The following ASTN2 variants were observed in gnomAD, a reference collection of about 807,000 sequenced individuals.
ASTN2 encodes astrotactin-2.
In ASTN2, 54 loss-of-function variants were observed where a neutral mutation model predicts 139.8. The ratio of observed to expected loss-of-function variants is 0.39; its 90% CI spans 0.31 to 0.48. The LOEUF (loss-of-function observed/expected upper bound fraction) is 0.48, where lower values mean the gene tolerates loss of function less well. Among genes scored for constraint, ASTN2 ranks in the 20% least tolerant of loss-of-function variants. The pLI is 0.95. For missense variants in ASTN2, 1,565 were observed against 1,725.1 expected (o/e 0.91, Z 1.64); for synonymous variants, 756 against 719.5 (o/e 1.05, Z -0.81).
At chr9:116,934,312 C>A (rs10759875) in intron 10 of ASTN2, among the ~76,000 whole-genome samples, 57,354 of 151,876 alleles carry the variant, frequency 0.38, 12,004 homozygotes, top group Non-Finnish European at 0.47. Context: ...CAGGAGTCCC[C>A]ATCAGGAGCA....
intron 10 of ASTN2, among the ~76,000 whole-genome samples, chr9:116,924,893 A>C (rs933563106): frequency 6.6e-6 from 1 of 152,134 alleles, no homozygotes; most frequent in Non-Finnish European, 1.5e-5. Flanking sequence ...GTGCAGCCCA[A>C]TAGGTCTCAG....
intron 3 of ASTN2, among the ~76,000 whole-genome samples, chr9:117,163,325 T>A (rs1406709843): frequency 6.6e-6 from 1 of 152,078 alleles, no homozygotes; most frequent in African/African-American, 2.4e-5. Context: ...AATGCTGGAC[T>A]TTGTATTACC....
At chr9:116,672,922 C>T (rs1370481764) in intron 16 of ASTN2, among the ~76,000 whole-genome samples, 1 of 152,060 alleles carries the variant, frequency 6.6e-6, no homozygotes, top group African/African-American at 2.4e-5. Context: ...ATATAATGAA[C>T]ATTACTCCAT....
At chr9:117,188,267 A>C (rs148836186) in intron 3 of ASTN2, among the ~76,000 whole-genome samples, 9 of 152,200 alleles carry the variant, frequency 5.9e-5, no homozygotes, top group African/African-American at 2.2e-4. Context: ...CAATATGTCG[A>C]AATTAGTGAG....
At chr9:116,895,386 C>A (rs1433976691) in intron 10 of ASTN2, among the ~76,000 whole-genome samples, 4 of 152,176 alleles carry the variant, frequency 2.6e-5, no homozygotes. Flanking sequence ...TAGTCCCAAG[C>A]ATTTCAGATA....
intron 1 of ASTN2, among the ~76,000 whole-genome samples, chr9:117,359,804 G>C (rs949962854): frequency 3.9e-5 from 6 of 152,090 alleles, no homozygotes; most frequent in African/African-American, 1.4e-4. Context: ...ACTCAGCTGT[G>C]GTGTGAGCCT....
At chr9:116,760,533 C>G (rs975583659) in intron 13 of ASTN2, among the ~76,000 whole-genome samples, 1 of 152,204 alleles carries the variant, frequency 6.6e-6, no homozygotes, top group African/African-American at 2.4e-5. Flanking sequence ...CTGACTGTGA[C>G]TTGGGAACAA....
chr9:116,814,089 G>C (rs1831243875), intron 12 of ASTN2, among the ~76,000 whole-genome samples: 2 of 151,290 alleles, frequency 1.3e-5, no homozygotes, highest in Non-Finnish European at 2.9e-5. Context: ...GGTAAGAATA[G>C]CTCAAGGAGC....
chr9:116,632,232 AGAAAGAAAGAAAGAAAGAAG>A lies in ASTN2; in HGVS notation c.3073-11809_3073-11790del, dbSNP rs1564169237. ...AAGAAAGAAAGAAAGAAAGAAAGAAAGAAAGAAAGAAAGAAAGAAGGAAAGAAAGAAAGAAAGAAAGAAAG... is the reference window on the plus strand; with the variant it reads ...AAGAAAGAAAGAAAGAAAGAAAGAAAGAAAGAAAGAAAGAAAGAAAGAAAG... On this transcript the variant is annotated intron_variant, in intron 17 of 22. Coordinates refer to ENST00000313400, the MANE Select transcript of ASTN2 (RefSeq NM_001365068.1). 3.2e-4 allele frequency among the ~76,000 whole-genome samples: 42 copies of A among 130,810 alleles called. 1 individual carries two copies. Among genetic ancestry groups the A allele is most frequent in the African/African-American group, 1.1e-3 (34 of 30,218 alleles). 85.8% of individuals were successfully genotyped at this position (130,810 alleles called of 152,430 possible). A position where few individuals can be genotyped will look rare whatever the true frequency, so the allele number is the denominator to read the frequency against.
chr9:116,442,441 T>A lies in ASTN2; in HGVS notation c.3598+12A>T, dbSNP rs1341407966. ...GGGAGTTACTTTGGAGTTGAAAAAC[T>A]GGGTTACCTACCTTCTGCCTTGTTG... On this transcript the variant is annotated intron_variant, in intron 21 of 22. Coordinates refer to ENST00000313400, the MANE Select transcript of ASTN2 (RefSeq NM_001365068.1). 19 of 1,612,198 alleles carry A rather than the reference T, an allele frequency of 1.2e-5. No individual in the cohort carries two copies. The highest frequency in any genetic ancestry group is 1.6e-5 in the Non-Finnish European group (19 of 1,178,246).
chr9:117,015,792 A>G (rs1455514808), intron 6 of ASTN2, among the ~76,000 whole-genome samples: 1 of 152,178 alleles, frequency 6.6e-6, no homozygotes, highest in Non-Finnish European at 1.5e-5. Context: ...TCTGAAGAAG[A>G]TAGCAACTTG....
chr9:116,687,035 G>T, intron 16 of ASTN2: 1 of 1,362,446 alleles, frequency 7.3e-7, no homozygotes, highest in Non-Finnish European at 9.5e-7. Flanking sequence ...ACTGGAGTCA[G>T]ATACGCATTC....
At chr9:116,840,023 G>A (rs1223934573) in intron 11 of ASTN2, among the ~76,000 whole-genome samples, 1 of 148,236 alleles carries the variant, frequency 6.7e-6, no homozygotes, top group Non-Finnish European at 1.5e-5. Flanking sequence ...GGACCCTGCA[G>A]CCTTCCACAG....
chr9:117,301,596 G>A (rs1242525881), intron 1 of ASTN2, among the ~76,000 whole-genome samples: 3 of 152,264 alleles, frequency 2.0e-5, no homozygotes, highest in Admixed American at 1.3e-4. Context: ...GCTGAGAAAG[G>A]AGCTTGCATA....
At chr9:116,746,278 G>A (rs1187241738) in intron 13 of ASTN2, among the ~76,000 whole-genome samples, 2 of 151,566 alleles carry the variant, frequency 1.3e-5, no homozygotes, top group African/African-American at 4.9e-5. Flanking sequence ...AGTAGAGATG[G>A]GGTTTCACTG....
intron 4 of ASTN2, 89 bp downstream of exon 4, chr9:117,141,237 C>A: frequency 1.6e-6 from 2 of 1,267,572 alleles, no homozygotes; most frequent in Non-Finnish European, 2.1e-6. Context: ...CACAGGGAAG[C>A]AAGGGAAGAA....
At chr9:117,213,857 C>T (rs1353310856) in intron 3 of ASTN2, among the ~76,000 whole-genome samples, 1 of 152,122 alleles carries the variant, frequency 6.6e-6, no homozygotes, top group Admixed American at 6.5e-5. Flanking sequence ...TTTAGAGAAA[C>T]TGGGGTGTTT....
chr9:116,838,039 G>T (rs1832059244), intron 11 of ASTN2, among the ~76,000 whole-genome samples: 1 of 152,028 alleles, frequency 6.6e-6, no homozygotes, highest in Admixed American at 6.6e-5. Context: ...ACACTAGCAG[G>T]CCCTGGATAA....
intron 11 of ASTN2, among the ~76,000 whole-genome samples, chr9:116,839,844 TA>T (rs200459096): frequency 0.29 from 39,015 of 134,790 alleles, 6,402 homozygotes; most frequent in East Asian, 0.51. Context: ...CTGATTTTTT[TA>T]TTTTATTTTA....
Sources: allele counts gnomAD v4.1 joint callset (sites outside exome capture counted in the v4.1 genomes callset), GRCh38; gene constraint gnomAD v4.1.1; transcripts MANE v1.5; gene names NCBI Gene and HGNC (gene_info 2026-07-23, HGNC 2026-07-21).